The following SLC8A1 variants were observed in gnomAD, a reference collection of about 807,000 sequenced individuals.
The protein encoded by SLC8A1 is solute carrier family 8 member A1, also known as sodium/calcium exchanger 1.
SLC8A1 carries 18 observed loss-of-function variants against 68.3 expected under a neutral mutation model. That is an observed-to-expected ratio of 0.26 (90% CI 0.18 to 0.39). The LOEUF is 0.39. Among genes scored for constraint, SLC8A1 ranks in the 10% least tolerant of loss-of-function variants. The probability of loss-of-function intolerance (pLI) is 1.00; values close to 1 mark genes in which losing one functional copy is unlikely to be tolerated. For synonymous variants in SLC8A1, 475 were observed against 415.5 expected, an observed-to-expected ratio of 1.14 and a Z score of -1.74; for missense variants, 985 against 1,156.7, an observed-to-expected ratio of 0.85 and a Z score of 2.15.
chr2:40,485,310 T>G (rs2149917081), intron 1 of SLC8A1, among the ~76,000 whole-genome samples: 1 of 152,328 alleles, frequency 6.6e-6, no homozygotes, highest in Admixed American at 6.5e-5. Context: ...ATTGTAGAAC[T>G]TCTCCTAACA....
intron 1 of SLC8A1, among the ~76,000 whole-genome samples, chr2:40,444,711 G>A (rs1701116846): frequency 6.6e-6 from 1 of 152,166 alleles, no homozygotes; most frequent in Admixed American, 6.5e-5. Context: ...ATTGCATGAT[G>A]TGAAAATTAT....
chr2:40,451,227 C>T (rs1702420027), intron 1 of SLC8A1, among the ~76,000 whole-genome samples: 1 of 152,200 alleles, frequency 6.6e-6, no homozygotes, highest in Non-Finnish European at 1.5e-5. Context: ...CCCTTCCAAT[C>T]TCTTGGGGAA....
At chr2:40,446,408 C>A (rs1460380524) in intron 1 of SLC8A1, 1 of 152,212 alleles carries the variant, frequency 6.6e-6, no homozygotes, top group Non-Finnish European at 1.5e-5. Context: ...CATTTCTCCA[C>A]GGTTACCTTG....
chr2:40,494,732 T>C (rs1043950093), intron 1 of SLC8A1, among the ~76,000 whole-genome samples: 5 of 146,764 alleles, frequency 3.4e-5, no homozygotes, highest in African/African-American at 1.0e-4. Context: ...CTTTTGCTCA[T>C]GCTCAGAAAT....
At chr2:40,443,814 C>T (rs762181062) in intron 1 of SLC8A1, among the ~76,000 whole-genome samples, 1 of 152,164 alleles carries the variant, frequency 6.6e-6, no homozygotes, top group African/African-American at 2.4e-5. Flanking sequence ...CTGTGATATT[C>T]GAATCCTACA....
chr2:40,373,601 C>T (rs1222583873), intron 2 of SLC8A1, among the ~76,000 whole-genome samples: 1 of 151,968 alleles, frequency 6.6e-6, no homozygotes, highest in East Asian at 1.9e-4. Context: ...GCCGAACAAT[C>T]CAGTGGAATA....
intron 2 of SLC8A1, among the ~76,000 whole-genome samples, chr2:40,322,474 T>C (rs576148717): frequency 9.0e-5 from 11 of 121,862 alleles, no homozygotes; most frequent in Admixed American, 8.0e-4. Flanking sequence ...CTGGGCTACA[T>C]AGAGAGACCT....
intron 2 of SLC8A1, among the ~76,000 whole-genome samples, chr2:40,333,113 T>A (rs572792599): frequency 6.6e-6 from 1 of 152,166 alleles, no homozygotes; most frequent in Non-Finnish European, 1.5e-5. Flanking sequence ...AAAAAAAATC[T>A]CTTAACGAAA....
intron 2 of SLC8A1, among the ~76,000 whole-genome samples, chr2:40,199,023 T>G (rs2053627483): frequency 6.6e-6 from 1 of 151,734 alleles, no homozygotes; most frequent in Non-Finnish European, 1.5e-5. Context: ...TGGAAGGCAT[T>G]ATATTTTAAA....
intron 1 of SLC8A1, among the ~76,000 whole-genome samples, chr2:40,494,930 C>T (rs1705593893): frequency 6.6e-6 from 1 of 151,192 alleles, no homozygotes; most frequent in South Asian, 2.1e-4. Flanking sequence ...AACCCTAAAC[C>T]TAGTGATATT....
intron 2 of SLC8A1, among the ~76,000 whole-genome samples, chr2:40,396,085 A>G (rs1007328159): frequency 1.3e-5 from 2 of 152,160 alleles, no homozygotes; most frequent in Non-Finnish European, 2.9e-5. Context: ...TGAAAACTTG[A>G]ATGTTTTGCT....
chr2:40,459,991 C>T (rs1703247540), intron 1 of SLC8A1, among the ~76,000 whole-genome samples: 1 of 151,664 alleles, frequency 6.6e-6, no homozygotes, highest in Non-Finnish European at 1.5e-5. Flanking sequence ...TCATAGCTGA[C>T]CTCTTGTTTT....
chr2:40,221,065 C>CAAA (rs1304824466), intron 2 of SLC8A1, among the ~76,000 whole-genome samples: 1 of 148,024 alleles, frequency 6.8e-6, no homozygotes, highest in Non-Finnish European at 1.5e-5. Flanking sequence ...CTGGCAGAGA[C>CAAA]ACAACAACAA....
intron 2 of SLC8A1, chr2:40,251,365 G>GA (rs1210033448): frequency 6.6e-6 from 1 of 152,140 alleles, no homozygotes; most frequent in East Asian, 1.9e-4. Context: ...TGCTAATGTG[G>GA]AAAATCTCTT....
At chr2:40,223,431 G>C (rs530386099) in intron 2 of SLC8A1, among the ~76,000 whole-genome samples, 1 of 152,054 alleles carries the variant, frequency 6.6e-6, no homozygotes, top group African/African-American at 2.4e-5. Flanking sequence ...CGGGTTGATG[G>C]GTACAGCAAA....
intron 7 of SLC8A1, chr2:40,120,574 T>C: frequency 6.6e-6 from 1 of 152,230 alleles, no homozygotes; most frequent in African/African-American, 2.4e-5. Flanking sequence ...TAAATTTATA[T>C]GCAATGTTTG....
At chr2:40,380,874 A>G (rs1386078625) in intron 2 of SLC8A1, among the ~76,000 whole-genome samples, 1 of 152,114 alleles carries the variant, frequency 6.6e-6, no homozygotes, top group Admixed American at 6.6e-5. Context: ...CTACTTTTCA[A>G]CAAATCACCC....
intron 2 of SLC8A1, among the ~76,000 whole-genome samples, chr2:40,261,749 G>A (rs2064737334): frequency 9.0e-6 from 1 of 110,974 alleles, no homozygotes; most frequent in Non-Finnish European, 2.0e-5. Context: ...AAGTGCCACA[G>A]TCGTTGCACT....
chr2:40,164,430 A>G (rs2046210098), intron 5 of SLC8A1, among the ~76,000 whole-genome samples: 1 of 152,186 alleles, frequency 6.6e-6, no homozygotes, highest in African/African-American at 2.4e-5. Flanking sequence ...AGATATTACT[A>G]TCCCCCTGCA....
Sources: allele counts gnomAD v4.1 joint callset (sites outside exome capture counted in the v4.1 genomes callset), GRCh38; gene constraint gnomAD v4.1.1; transcripts MANE v1.5; gene names NCBI Gene and HGNC (gene_info 2026-07-23, HGNC 2026-07-21).